Variants in MECOM observed in about 807,000 individuals in gnomAD.
MECOM encodes histone-lysine N-methyltransferase MECOM.
MECOM carries 13 observed loss-of-function variants against 116.3 expected under a neutral mutation model. The ratio of observed to expected loss-of-function variants is 0.11; its 90% CI spans 0.07 to 0.18. The LOEUF (loss-of-function observed/expected upper bound fraction) is 0.18, where lower values mean the gene tolerates loss of function less well. MECOM is among the 10% of genes least tolerant of loss of function. MECOM has a pLI of 1.00. For missense variants in MECOM, 1,299 were observed against 1,509.0 expected, an observed-to-expected ratio of 0.86 and a Z score of 2.31; for synonymous variants, 528 against 535.2, an observed-to-expected ratio of 0.99 and a Z score of 0.19.
At chr3:169,371,401 C>T (rs1427988015) in intron 2 of MECOM, among the ~76,000 whole-genome samples, 1 of 151,640 alleles carries the variant, frequency 6.6e-6, no homozygotes, top group Non-Finnish European at 1.5e-5. Flanking sequence ...CAAACTGGCA[C>T]TTGTAAGATG....
chr3:169,371,269 A>G (rs1204692971), intron 2 of MECOM, among the ~76,000 whole-genome samples: 1 of 151,994 alleles, frequency 6.6e-6, no homozygotes, highest in Non-Finnish European at 1.5e-5. Context: ...CAAAAAGACA[A>G]ATACTGCATG....
At chr3:169,251,793 T>C (rs759509690) in intron 2 of MECOM, among the ~76,000 whole-genome samples, 1 of 152,172 alleles carries the variant, frequency 6.6e-6, no homozygotes, top group Non-Finnish European at 1.5e-5. Flanking sequence ...TGTTCATTTA[T>C]TAAAAGCCCC....
chr3:169,590,777 A>C (rs1296328732), intron 1 of MECOM, among the ~76,000 whole-genome samples: 1 of 152,264 alleles, frequency 6.6e-6, no homozygotes, highest in Non-Finnish European at 1.5e-5. Flanking sequence ...AAGCTGCTGC[A>C]GCTAGATAAA....
intron 2 of MECOM, among the ~76,000 whole-genome samples, chr3:169,314,904 T>G (rs1250701466): frequency 6.6e-6 from 1 of 152,188 alleles, no homozygotes; most frequent in Non-Finnish European, 1.5e-5. Context: ...TCCTGAATAT[T>G]TATGAATATT....
chr3:169,247,437 C>T (rs986111968), intron 2 of MECOM, among the ~76,000 whole-genome samples: 1 of 152,164 alleles, frequency 6.6e-6, no homozygotes, highest in African/African-American at 2.4e-5. Context: ...TCCTGAGCAG[C>T]TGGGATTACT....
At chr3:169,340,918 A>G (rs536272423) in intron 2 of MECOM, among the ~76,000 whole-genome samples, 7 of 152,338 alleles carry the variant, frequency 4.6e-5, no homozygotes, top group African/African-American at 1.7e-4. Context: ...AGCTGTGTCT[A>G]CATGAGACAA....
At chr3:169,355,301 G>C (rs1242219174) in intron 2 of MECOM, among the ~76,000 whole-genome samples, 1 of 151,944 alleles carries the variant, frequency 6.6e-6, no homozygotes, top group Non-Finnish European at 1.5e-5. Flanking sequence ...CAAAATCACA[G>C]AACAGTTTCT....
intron 1 of MECOM, among the ~76,000 whole-genome samples, chr3:169,466,737 A>G (rs1251216114): frequency 6.6e-6 from 1 of 152,136 alleles, no homozygotes; most frequent in African/African-American, 2.4e-5. Flanking sequence ...AGATACATAG[A>G]GAGAGATTCT....
At chr3:169,655,882 T>G (rs1252747289) in intron 1 of MECOM, among the ~76,000 whole-genome samples, 1 of 152,240 alleles carries the variant, frequency 6.6e-6, no homozygotes, top group Non-Finnish European at 1.5e-5. Flanking sequence ...TTAGGTACTT[T>G]GCACACATTA....
At chr3:169,434,712 G>A (rs1282352869) in intron 1 of MECOM, among the ~76,000 whole-genome samples, 1 of 152,166 alleles carries the variant, frequency 6.6e-6, no homozygotes. Flanking sequence ...TTAATGATGT[G>A]AGGCAAATTT....
intron 2 of MECOM, among the ~76,000 whole-genome samples, chr3:169,181,959 C>T (rs11920228): frequency 0.099 from 14,988 of 152,102 alleles, 795 homozygotes; most frequent in South Asian, 0.22. Context: ...AAAACACATA[C>T]AGAATTCTTG....
intron 2 of MECOM, among the ~76,000 whole-genome samples, chr3:169,332,271 A>G (rs1156647557): frequency 6.6e-6 from 1 of 152,140 alleles, no homozygotes; most frequent in Non-Finnish European, 1.5e-5. Context: ...AATCTTGGCC[A>G]AGAAAGTTGA....
intron 1 of MECOM, among the ~76,000 whole-genome samples, chr3:169,412,321 GATAAAA>G (rs1737690080): frequency 6.7e-6 from 1 of 150,364 alleles, no homozygotes; most frequent in African/African-American, 2.4e-5. Context: ...AAATTAAAAA[GATAAAA>G]ATAAATTAAT....
At chr3:169,595,820 C>T (rs28464305) in intron 1 of MECOM, among the ~76,000 whole-genome samples, 18,132 of 152,092 alleles carry the variant, frequency 0.12, 1,423 homozygotes, top group African/African-American at 0.22. Context: ...CAATATGAAA[C>T]ACAAATACCA....
intron 1 of MECOM, among the ~76,000 whole-genome samples, chr3:169,506,792 T>C (rs1351430120): frequency 6.6e-6 from 1 of 152,206 alleles, no homozygotes; most frequent in Non-Finnish European, 1.5e-5. Flanking sequence ...CTACATTTAG[T>C]TAAGAAGGCT....
chr3:169,433,669 GAAAGAAAGAAAGAAAGAAAGAGAA>G (rs1174637962), intron 1 of MECOM, among the ~76,000 whole-genome samples: 5 of 145,582 alleles, frequency 3.4e-5, no homozygotes, highest in Admixed American at 7.1e-5. Context: ...AAGAAAGAAA[GAAAGAAAGAAAGAAAGAAAGAGAA>G]AGAAAGAAAA....
chr3:169,601,998 C>A (rs1299543897), intron 1 of MECOM, among the ~76,000 whole-genome samples: 1 of 152,148 alleles, frequency 6.6e-6, no homozygotes, highest in East Asian at 1.9e-4. Context: ...TAAATACCAT[C>A]CCCCTTCAAG....
chr3:169,227,677 G>A (rs1428897039), intron 2 of MECOM, among the ~76,000 whole-genome samples: 1 of 152,196 alleles, frequency 6.6e-6, no homozygotes, highest in Non-Finnish European at 1.5e-5. Context: ...GCGTTGGAAA[G>A]GGGGAATGGG....
At chr3:169,456,549 C>T (rs1047036225) in intron 1 of MECOM, among the ~76,000 whole-genome samples, 2 of 152,078 alleles carry the variant, frequency 1.3e-5, no homozygotes, top group South Asian at 2.1e-4. Context: ...ATATAAAGTG[C>T]CATGGACTGT....
Sources: gnomAD v4.1 joint callset for allele counts (sites outside exome capture counted in the v4.1 genomes callset) on GRCh38, gnomAD v4.1.1 for gene constraint, MANE v1.5 for transcripts, NCBI Gene and HGNC (gene_info 2026-07-23, HGNC 2026-07-21) for gene names.